Variants in CHST11 observed in about 807,000 individuals in gnomAD.
CHST11 encodes C4S-1.
CHST11 carries 9 observed loss-of-function variants against 30.4 expected under a neutral mutation model. The observed-to-expected ratio is 0.30, with a 90% CI of 0.18 to 0.52. The LOEUF is 0.52. Among genes scored for constraint, CHST11 ranks in the 20% least tolerant of loss-of-function variants. The probability of loss-of-function intolerance (pLI) is 0.97; values close to 1 mark genes in which losing one functional copy is unlikely to be tolerated. For synonymous variants in CHST11, 152 were observed against 187.8 expected (o/e 0.81, Z 1.56); for missense variants, 348 against 460.6 (o/e 0.76, Z 2.24).
At chr12:104,562,851 G>A (rs961823893) in intron 1 of CHST11, among the ~76,000 whole-genome samples, 1 of 152,172 alleles carries the variant, frequency 6.6e-6, no homozygotes, top group South Asian at 2.1e-4. Flanking sequence ...AATTCATGAC[G>A]ACTGGACATT....
At chr12:104,716,293 C>G (rs1399744692) in intron 2 of CHST11, among the ~76,000 whole-genome samples, 1 of 152,168 alleles carries the variant, frequency 6.6e-6, no homozygotes, top group East Asian at 1.9e-4. Context: ...TCAGATGCAG[C>G]ATAGTATAGT....
At chr12:104,543,708 A>G (rs905186406) in intron 1 of CHST11, among the ~76,000 whole-genome samples, 1 of 152,162 alleles carries the variant, frequency 6.6e-6, no homozygotes, top group African/African-American at 2.4e-5. Flanking sequence ...AAGTCACTGT[A>G]TACTTTTTTT....
intron 2 of CHST11, among the ~76,000 whole-genome samples, chr12:104,628,924 C>A (rs2039245053): frequency 6.6e-6 from 1 of 152,192 alleles, no homozygotes; most frequent in Admixed American, 6.5e-5. Context: ...CGCTGGCTGC[C>A]TCTGTGCTGG....
At chr12:104,559,669 G>A (rs1363025725) in intron 1 of CHST11, among the ~76,000 whole-genome samples, 1 of 152,118 alleles carries the variant, frequency 6.6e-6, no homozygotes. Flanking sequence ...CTTGAACCTG[G>A]GAGGCAGAGG....
intron 1 of CHST11, among the ~76,000 whole-genome samples, chr12:104,534,752 A>G (rs1467295588): frequency 6.6e-6 from 1 of 152,192 alleles, no homozygotes; most frequent in Non-Finnish European, 1.5e-5. Context: ...GAAGAGCATA[A>G]TGCATGTGTA....
At chr12:104,514,934 A>T (rs1165834000) in intron 1 of CHST11, among the ~76,000 whole-genome samples, 1 of 152,194 alleles carries the variant, frequency 6.6e-6, no homozygotes, top group East Asian at 1.9e-4. Context: ...GTAAAGAAGG[A>T]TATGAAGAAC....
intron 1 of CHST11, among the ~76,000 whole-genome samples, chr12:104,520,551 T>G (rs1469203846): frequency 6.6e-6 from 1 of 152,164 alleles, no homozygotes; most frequent in African/African-American, 2.4e-5. Flanking sequence ...TAGGATAGAT[T>G]GTTCCAGCAT....
At chr12:104,724,361 A>C (rs1052565478) in intron 2 of CHST11, among the ~76,000 whole-genome samples, 1 of 152,116 alleles carries the variant, frequency 6.6e-6, no homozygotes, top group Admixed American at 6.5e-5. Flanking sequence ...GGAAAATGAA[A>C]AGGTTCTGGA....
chr12:104,609,494 C>A (rs1566006516), intron 2 of CHST11, among the ~76,000 whole-genome samples: 1 of 152,186 alleles, frequency 6.6e-6, no homozygotes, highest in Non-Finnish European at 1.5e-5. Flanking sequence ...AGGGAAGCTT[C>A]CCAGTCAGAT....
At chr12:104,503,517 A>G (rs1185561445) in intron 1 of CHST11, among the ~76,000 whole-genome samples, 1 of 152,238 alleles carries the variant, frequency 6.6e-6, no homozygotes, top group Non-Finnish European at 1.5e-5. Flanking sequence ...GAGCAAATCC[A>G]TGTAAATGCT....
intron 1 of CHST11, among the ~76,000 whole-genome samples, chr12:104,494,172 C>T (rs892289235): frequency 6.6e-6 from 1 of 152,172 alleles, no homozygotes; most frequent in Non-Finnish European, 1.5e-5. Context: ...CTTGGGACTA[C>T]AGGCTGGGTG....
chr12:104,748,066 C>T (rs770370305), intron 2 of CHST11, among the ~76,000 whole-genome samples: 4 of 152,272 alleles, frequency 2.6e-5, no homozygotes, highest in South Asian at 2.1e-4. Context: ...GCCCAGAGCC[C>T]GGAGCCATGT....
intron 2 of CHST11, among the ~76,000 whole-genome samples, chr12:104,630,543 G>A (rs142294401): frequency 6.6e-6 from 1 of 152,152 alleles, no homozygotes; most frequent in Non-Finnish European, 1.5e-5. Context: ...CCAGGCTGAC[G>A]GGGAAAGAAG....
At chr12:104,642,082 C>T (rs1164858) in intron 2 of CHST11, among the ~76,000 whole-genome samples, 70,153 of 151,968 alleles carry the variant, frequency 0.46, 16,240 homozygotes, top group Non-Finnish European at 0.49. Context: ...TGATCCTGTA[C>T]GTCATTAGTG....
chr12:104,542,433 T>C (rs2038294874), intron 1 of CHST11, among the ~76,000 whole-genome samples: 1 of 152,180 alleles, frequency 6.6e-6, no homozygotes, highest in South Asian at 2.1e-4. Flanking sequence ...AGGCTTAAAA[T>C]GAAAGAAAAT....
chr12:104,621,534 G>A (rs1306276838), intron 2 of CHST11, among the ~76,000 whole-genome samples: 1 of 152,216 alleles, frequency 6.6e-6, no homozygotes, highest in African/African-American at 2.4e-5. Context: ...TGGATTATCC[G>A]GATGGGTCCA....
In CHST11 at chr12:104,725,093, G is replaced by A. The variant is rs1014203845; in HGVS notation, c.205-31856G>A. Among the ~76,000 whole-genome samples, 10 of 152,240 alleles carry A rather than the reference G, an allele frequency of 6.6e-5. No individual in the cohort carries two copies. The East Asian group carries it at 1.5e-3, about 24-fold the overall frequency. ...CTTCTAAGCCCAGCGCCCCCATTTT[G>A]TAGCCACTTATCTTTGAGCACGTTC... On this transcript the variant is annotated intron_variant, in intron 2 of 2. Coordinates refer to ENST00000303694, the MANE Select transcript of CHST11 (RefSeq NM_018413.6).
Position 104,672,752 on chromosome 12 carries a change from T to C in CHST11, c.204+70761T>C, listed in dbSNP as rs576083120. ...TGGCTCGTGATTCTGACTGTGACTC[T>C]CCCTCCTACACTTTCCAAGCCAAGA... On this transcript the variant is annotated intron_variant, in intron 2 of 2. Transcript: ENST00000303694. 2.0e-5 allele frequency among the ~76,000 whole-genome samples: 3 copies of C among 152,282 alleles called. No individual in the cohort carries two copies. In the East Asian group the frequency reaches 5.8e-4, roughly 29 times the overall value.
intron 2 of CHST11, among the ~76,000 whole-genome samples, chr12:104,699,526 G>A (rs916511612): frequency 6.6e-6 from 1 of 152,066 alleles, no homozygotes; most frequent in Non-Finnish European, 1.5e-5. Context: ...TCCCTCTATG[G>A]GACAGCACTG....
Sources: gnomAD v4.1 joint callset for allele counts (sites outside exome capture counted in the v4.1 genomes callset) on GRCh38, gnomAD v4.1.1 for gene constraint, MANE v1.5 for transcripts, NCBI Gene and HGNC (gene_info 2026-07-23, HGNC 2026-07-21) for gene names.